The following DOCK6 variants were observed in gnomAD, a reference collection of about 807,000 sequenced individuals.
The protein encoded by DOCK6 is dedicator of cytokinesis protein 6.
Under a neutral mutation model 230.3 loss-of-function variants are expected in DOCK6, and 167 were observed. The observed-to-expected ratio is 0.73, with a 90% confidence interval of 0.64 to 0.82. The LOEUF (loss-of-function observed/expected upper bound fraction) is 0.82, where lower values mean the gene tolerates loss of function less well. DOCK6 is among the 40% of genes least tolerant of loss of function. The pLI is 0.00. For missense variants in DOCK6, 2,598 were observed against 2,825.8 expected, an observed-to-expected ratio of 0.92 and a Z score of 1.83; for synonymous variants, 1,148 against 1,185.0, an observed-to-expected ratio of 0.97 and a Z score of 0.64.
Position 11,217,411 on chromosome 19 carries a change from GGAAA to G in DOCK6, c.3551-24_3551-21del. On this transcript the variant is annotated intron_variant, in intron 28 of 47. Coordinates refer to ENST00000294618, the MANE Select transcript of DOCK6 (RefSeq NM_020812.4). ...GGCCCTCTGGCAGGGAAAGACAGAGGGAAAGAAAGATAAACCCTTGGTAAGTGCT... is the reference window on the plus strand; with the variant it reads ...GGCCCTCTGGCAGGGAAAGACAGAGGGAAAGATAAACCCTTGGTAAGTGCT... The G allele has an allele frequency of 1.2e-6, 2 of 1,608,290 alleles. No homozygotes were observed. Among genetic ancestry groups the G allele is most frequent in the Non-Finnish European group, 1.7e-6 (2 of 1,177,452 alleles).
At chr19:11,238,615 C>A in intron 14 of DOCK6, 2 of 315,286 alleles carry the variant, frequency 6.3e-6, no homozygotes, top group Non-Finnish European at 6.1e-6. Flanking sequence ...CAGAGAATAG[C>A]GAGGCACTCA....
In DOCK6 at chr19:11,200,434, A is replaced by G. The variant is rs948517502; in HGVS notation, c.5975T>C (p.Ile1992Thr). The G allele has an allele frequency of 1.6e-5, 26 of 1,611,596 alleles. No individual in the cohort carries two copies. Among genetic ancestry groups the G allele is most frequent in the Non-Finnish European group, 2.1e-5 (25 of 1,179,018 alleles). Reference sequence around the variant, plus strand: ...GTGGTACTCCTTCTGGTCCGGCCCAATCAGGGCCTTATTTTTCCGCAGCGC... The same window carrying G: ...GTGGTACTCCTTCTGGTCCGGCCCAGTCAGGGCCTTATTTTTCCGCAGCGC... The part of the protein sequence containing the change: ...EDALRKNKAL[I>T]GPDQKEYHRE... The change falls in exon 47 of 48, where the codon ATT becomes ACT. Residue 1992 changes from isoleucine to threonine, a missense_variant. Ile to Thr is a moderately conservative substitution (Grantham distance 89). Transcript: ENST00000294618. The surrounding 1 kb of genome is among the most constrained non-coding windows in gnomAD (Gnocchi z 4.3).
At position 11,217,111 on chromosome 19, in the gene DOCK6, GA is replaced by G. The variant is rs764870540; in HGVS notation, c.3712-16del. On this transcript the variant is annotated splice_polypyrimidine_tract_variant and intron_variant, in intron 29 of 47. Coordinates refer to ENST00000294618, the MANE Select transcript of DOCK6 (RefSeq NM_020812.4). ...GCGCGAGAAGCCTGGGGCCAGAGAGGAATCAAAGTCAATTTCCATTTTCTCC... is the reference window on the plus strand; with the variant it reads ...GCGCGAGAAGCCTGGGGCCAGAGAGGATCAAAGTCAATTTCCATTTTCTCC... 1.9e-6 allele frequency: 3 copies of G among 1,604,784 alleles called. No homozygotes were observed. Among genetic ancestry groups the G allele is most frequent in the East Asian group, 4.5e-5 (2 of 44,676 alleles).
chr19:11,231,757 A>G (rs1160699578), intron 22 of DOCK6, among the ~76,000 whole-genome samples: 2 of 152,060 alleles, frequency 1.3e-5, no homozygotes, highest in Non-Finnish European at 2.9e-5. Context: ...GTCCCCCTAC[A>G]CCAGGTACCT....
chr19:11,258,619 G>A lies in DOCK6; in HGVS notation c.44+3778C>T, dbSNP rs192823947. On this transcript the variant is annotated intron_variant, in intron 1 of 47. Transcript: ENST00000294618. ...AGCTAATTTTTGTATTTTTAGTAGA[G>A]ATGGGGTTTCACCATGTTGGCCAAG... Among the ~76,000 whole-genome samples, 7 of 151,848 alleles carry A rather than the reference G, an allele frequency of 4.6e-5. No homozygotes were observed. The East Asian group carries it at 1.4e-3, about 30-fold the overall frequency.
At chr19:11,248,787 T>C (rs1220743973) in intron 6 of DOCK6, among the ~76,000 whole-genome samples, 1 of 152,156 alleles carries the variant, frequency 6.6e-6, no homozygotes, top group Non-Finnish European at 1.5e-5. Context: ...ACTGGGTCTC[T>C]CTATTCATGG....
chr19:11,250,864 G>A lies in DOCK6; in HGVS notation c.720+10C>T, dbSNP rs759134996. 4 of 1,591,310 alleles carry A rather than the reference G, an allele frequency of 2.5e-6. No individual in the cohort carries two copies. The highest frequency in any genetic ancestry group is 3.4e-6 in the Non-Finnish European group (4 of 1,162,374). ...TGCTGGTTGGCTGATATCTGGGAAG[G>A]GGCACCCACCTCGTCAGGTGCCGGG... is the stretch of plus-strand genomic sequence containing the variant. On this transcript the variant is annotated intron_variant, in intron 6 of 47. Coordinates refer to ENST00000294618, the MANE Select transcript of DOCK6 (RefSeq NM_020812.4).
chr19:11,222,281 C>T lies in DOCK6; in HGVS notation c.3241-33G>A, dbSNP rs770651759. The T allele has an allele frequency of 1.8e-5, 28 of 1,575,600 alleles. No individual in the cohort carries two copies. The East Asian group carries it at 3.5e-4, about 20-fold the overall frequency. ...GTGGGGGAAAAATGGGGGATGCCAG[C>T]GGTCAAGGGTCAGAGGTGGCAGGTC... On this transcript the variant is annotated intron_variant, in intron 26 of 47. Transcript: ENST00000294618. The surrounding 1 kb of genome is among the most constrained non-coding windows in gnomAD (Gnocchi z 4.0).
chr19:11,242,746 C>T (rs2147850234), intron 13 of DOCK6, among the ~76,000 whole-genome samples: 1 of 152,244 alleles, frequency 6.6e-6, no homozygotes, highest in Non-Finnish European at 1.5e-5. Flanking sequence ...GCCTCAGCCT[C>T]CCAAAGTGTT....
rs551574920 is a variant in DOCK6, at chr19:11,201,909, G to A, written c.5668C>T (p.Arg1890Cys). 45 of 1,343,604 alleles carry A rather than the reference G, an allele frequency of 3.3e-5. No individual in the cohort carries two copies. The East Asian group carries it at 3.8e-4, about 11-fold the overall frequency. The allele number at this position is 1,343,604 out of a possible 1,614,324, so 83.2% of individuals were successfully genotyped here. The change falls in exon 44 of 48, where the codon CGT becomes TGT. Residue 1890 changes from arginine to cysteine, a missense_variant. Transcript: ENST00000294618. The surrounding 1 kb of genome is among the most constrained non-coding windows in gnomAD (Gnocchi z 4.3). Reference sequence around the variant, plus strand: ...CCCACCTCCTCCCGGTGGCACACACGGATGCGAGTCTTGATGTAGGGGAAG... The same window carrying A: ...CCCACCTCCTCCCGGTGGCACACACAGATGCGAGTCTTGATGTAGGGGAAG... ...HAFPYIKTRI[R>C]VCHREETVLT...
chr19:11,212,831 C>G (rs927516801), intron 35 of DOCK6, among the ~76,000 whole-genome samples: 3 of 148,910 alleles, frequency 2.0e-5, no homozygotes, highest in African/African-American at 7.4e-5. Flanking sequence ...TCCCAAAGTG[C>G]TGAGATTACA....
At position 11,213,249 on chromosome 19, in the gene DOCK6, C is replaced by A; in HGVS notation, c.4418G>T (p.Arg1473Leu). 1 of 1,612,380 alleles carries A rather than the reference C, an allele frequency of 6.2e-7. No individual in the cohort carries two copies. The highest frequency in any genetic ancestry group is 1.1e-5 in the South Asian group (1 of 91,082). Residue 1473 changes from arginine to leucine, a missense_variant, in exon 35 of 48, where the codon CGC (arginine) becomes CTC (leucine). Arg to Leu is a moderately radical substitution (Grantham distance 102, BLOSUM62 -2). Coordinates refer to ENST00000294618, the MANE Select transcript of DOCK6 (RefSeq NM_020812.4). ...CLRLLRHCGS[R>L]ISTIRTHASA... The stretch of plus-strand genomic sequence containing the variant: ...GGCGTGCGTGCGGATGGTGCTGATG[C>A]GGCTGCCACAGTGTCGTAGGAGCCT...
chr19:11,240,398 C>A, intron 14 of DOCK6: 1 of 1,193,086 alleles, frequency 8.4e-7, no homozygotes, highest in Non-Finnish European at 1.1e-6. Context: ...AGCCTCCCAG[C>A]TCTGTGGCCT....
In DOCK6 at chr19:11,201,351, A is replaced by C. The variant is rs1243940258; in HGVS notation, c.5689-299T>G. 6.6e-6 allele frequency among the ~76,000 whole-genome samples: 1 copy of C among 151,998 alleles called. No homozygotes were observed. The highest frequency in any genetic ancestry group is 1.5e-5 in the Non-Finnish European group (1 of 67,988). ...GGTCCCCAACCTGGTTCTGGGGTACATGAGCCAATTTCTGGGTCTAGCGTG... is the reference window on the plus strand; with the variant it reads ...GGTCCCCAACCTGGTTCTGGGGTACCTGAGCCAATTTCTGGGTCTAGCGTG... On this transcript the variant is annotated intron_variant, in intron 44 of 47. Coordinates refer to ENST00000294618, the MANE Select transcript of DOCK6 (RefSeq NM_020812.4). This position sits in a 1 kb window ranked among gnomAD's most constrained non-coding sequence, Gnocchi z 4.3.
rs2079424317 is a variant in DOCK6 at position 11,213,286 on chromosome 19, C to G, written c.4381G>C (p.Asp1461His). Residue 1461 changes from aspartate to histidine, a missense_variant, in exon 35 of 48, where the codon GAC becomes CAC. Asp to His is a moderately conservative substitution (Grantham distance 81, BLOSUM62 -1). Transcript: ENST00000294618. ...LFEEDTELCA[D>H]LCLRLLRHCG... is the part of the protein sequence containing the mutation. Reference sequence around the variant, plus strand: ...TGTCGTAGGAGCCTCAGGCACAGGTCGGCACACAGCTCCGTGTCCTCCTCG... The same window carrying G: ...TGTCGTAGGAGCCTCAGGCACAGGTGGGCACACAGCTCCGTGTCCTCCTCG... The G allele has an allele frequency of 6.2e-7, 1 of 1,612,750 alleles. No homozygotes were observed. Among genetic ancestry groups the G allele is most frequent in the Non-Finnish European group, 8.5e-7 (1 of 1,179,874 alleles).
rs1233725471 is a variant in DOCK6, at chr19:11,253,631, ATACT to A, written c.132+4_132+7del. The stretch of plus-strand genomic sequence containing the variant: ...AGAGGGCTGGGGGCGGACCCCCCAA[ATACT>A]TACCCCCAGGGAGCTGCTGCAGCGC... On this transcript the variant is annotated splice_donor_5th_base_variant and intron_variant, in intron 2 of 47. Transcript: ENST00000294618. 3.5e-6 allele frequency: 5 copies of A among 1,417,322 alleles called. No individual in the cohort carries two copies. Among genetic ancestry groups the A allele is most frequent in the Non-Finnish European group, 4.6e-6 (5 of 1,089,170 alleles). 87.8% of individuals were successfully genotyped at this position (1,417,322 alleles called of 1,614,324 possible). A position where few individuals can be genotyped will look rare whatever the true frequency, so the allele number is the denominator to read the frequency against.
At chr19:11,228,866 G>A in intron 23 of DOCK6, 74 bp downstream of exon 23, 1 of 1,454,634 alleles carries the variant, frequency 6.9e-7, no homozygotes, top group Non-Finnish European at 9.6e-7. Context: ...CTGGCCAGGG[G>A]GCTTCTCTCT....
At chr19:11,227,870 G>A (rs1442516808) in intron 23 of DOCK6, among the ~76,000 whole-genome samples, 2 of 152,102 alleles carry the variant, frequency 1.3e-5, no homozygotes. Flanking sequence ...GACAAAGGGT[G>A]GGGCTTGAGG....
chr19:11,254,539 C>T (rs1396072819), intron 1 of DOCK6, among the ~76,000 whole-genome samples: 1 of 152,010 alleles, frequency 6.6e-6, no homozygotes, highest in East Asian at 1.9e-4. Context: ...ACTAAAAGTA[C>T]AAAAATTAGC....
Sources: allele counts gnomAD v4.1 joint callset (sites outside exome capture counted in the v4.1 genomes callset), GRCh38; gene constraint gnomAD v4.1.1; non-coding constraint Gnocchi (gnomAD v3.1); transcripts MANE v1.5; gene names NCBI Gene and HGNC (gene_info 2026-07-23, HGNC 2026-07-21).